The following PDE7B variants were observed in gnomAD, a reference collection of about 807,000 sequenced individuals.
PDE7B encodes phosphodiesterase 7B, also known as 3',5'-cyclic-AMP phosphodiesterase 7B.
Under a neutral mutation model 56.2 loss-of-function variants are expected in PDE7B, and 29 were observed. That is an observed-to-expected ratio of 0.52 (90% CI 0.38 to 0.70). The LOEUF (loss-of-function observed/expected upper bound fraction) is 0.70, where lower values mean the gene tolerates loss of function less well. PDE7B is among the 30% of genes least tolerant of loss of function. PDE7B has a pLI of 0.00. For synonymous variants in PDE7B, 197 were observed against 196.9 expected (o/e 1.00, Z 0.00); for missense variants, 490 against 565.0 (o/e 0.87, Z 1.35).
chr6:136,161,934 G>C (rs1412994069), intron 8 of PDE7B: 1 of 152,190 alleles, frequency 6.6e-6, no homozygotes, highest in Non-Finnish European at 1.5e-5. Flanking sequence ...GTGTGCCCAT[G>C]GGGATATGTG....
chr6:136,171,927 G>C (rs1778890221), intron 8 of PDE7B, among the ~76,000 whole-genome samples: 2 of 151,692 alleles, frequency 1.3e-5, no homozygotes, highest in South Asian at 4.2e-4. Context: ...TGAGAATGAT[G>C]ATTTCCAATT....
In PDE7B at chr6:135,865,541, T is replaced by TCTG. The variant is rs953031820; in HGVS notation, c.21+13535_21+13537dup. On this transcript the variant is annotated intron_variant, in intron 1 of 12. Transcript: ENST00000308191. Reference sequence around the variant, plus strand: ...ATCTCTTGAGTGTTTATAGCTGTTGTCTGCTGCTGCTGCTGGTTGAATCAA... The same window carrying TCTG: ...ATCTCTTGAGTGTTTATAGCTGTTGTCTGCTGCTGCTGCTGCTGGTTGAATCAA... Among the ~76,000 whole-genome samples the TCTG allele has an allele frequency of 7.9e-5, 12 of 152,112 alleles. No homozygotes were observed. In the South Asian group the frequency reaches 2.1e-3, roughly 26 times the overall value.
chr6:136,090,427 A>T (rs1182302760), intron 2 of PDE7B, among the ~76,000 whole-genome samples: 1 of 152,242 alleles, frequency 6.6e-6, no homozygotes. Flanking sequence ...ATGCTATTAA[A>T]ATAGGCTTTG....
chr6:135,956,266 T>C (rs111888504), intron 2 of PDE7B, among the ~76,000 whole-genome samples: 2,013 of 152,216 alleles, frequency 0.013, 53 homozygotes, highest in African/African-American at 0.045. Context: ...GAGAATGGTA[T>C]CTTAGCCACC....
rs1779248059 is a variant in PDE7B, at chr6:136,192,532, A to G, written c.*692A>G. ...TTTAAGAAACCACGTTTCCTATCCA[A>G]TCCGAAGGGAAGGTGCTGTACAGTT... On this transcript the variant is annotated 3_prime_UTR_variant, in exon 13 of 13. Transcript: ENST00000308191. 6.6e-6 allele frequency: 1 copy of G among 152,476 alleles called. No individual in the cohort carries two copies. The allele number at this position is 152,476 out of a possible 1,614,324, so 9.4% of individuals were successfully genotyped here.
intron 1 of PDE7B, among the ~76,000 whole-genome samples, chr6:135,863,108 T>C (rs1775182640): frequency 6.6e-6 from 1 of 151,978 alleles, no homozygotes; most frequent in Non-Finnish European, 1.5e-5. Context: ...TACATGTGCT[T>C]GAAGTAAATG....
intron 2 of PDE7B, among the ~76,000 whole-genome samples, chr6:136,081,607 T>C (rs1388977102): frequency 6.6e-6 from 1 of 152,206 alleles, no homozygotes; most frequent in Non-Finnish European, 1.5e-5. Flanking sequence ...CGCATTAGTG[T>C]TCTGTTTTCT....
intron 1 of PDE7B, among the ~76,000 whole-genome samples, chr6:135,901,142 C>T (rs944398139): frequency 6.6e-6 from 1 of 152,100 alleles, no homozygotes; most frequent in Non-Finnish European, 1.5e-5. Flanking sequence ...TGACCTTCTA[C>T]CTATAAAGAA....
intron 1 of PDE7B, among the ~76,000 whole-genome samples, chr6:135,936,938 A>T (rs1218743419): frequency 6.6e-6 from 1 of 152,222 alleles, no homozygotes; most frequent in Non-Finnish European, 1.5e-5. Context: ...GAGTATACTA[A>T]ATCTAAAGAA....
chr6:136,010,428 G>A (rs376202328), intron 2 of PDE7B, among the ~76,000 whole-genome samples: 5 of 141,010 alleles, frequency 3.5e-5, no homozygotes, highest in African/African-American at 1.4e-4. Flanking sequence ...TTTTTGAGAC[G>A]GAGTTTCACT....
intron 2 of PDE7B, chr6:136,034,433 G>T (rs945805101): frequency 2.6e-5 from 4 of 152,174 alleles, no homozygotes; most frequent in African/African-American, 9.7e-5. Context: ...GTTTTTGGAA[G>T]AAGGAGCCAA....
chr6:136,186,973 TAATACTCATTTTATAAGTTCTAGATTACC>T, intron 11 of PDE7B, 34 bp from the exon 12 acceptor site: 2 of 854,384 alleles, frequency 2.3e-6, no homozygotes, highest in Non-Finnish European at 3.9e-6. Context: ...TTAAAATTAT[TAATACTCATTTTATAAGTTCTAGATTACC>T]AATGTGTTTT....
intron 2 of PDE7B, among the ~76,000 whole-genome samples, chr6:136,050,032 A>G (rs1776597321): frequency 1.3e-5 from 2 of 152,122 alleles, no homozygotes; most frequent in African/African-American, 4.8e-5. Flanking sequence ...ACAAGGGCCA[A>G]CTCGAGGTCC....
intron 2 of PDE7B, among the ~76,000 whole-genome samples, chr6:136,015,003 T>A (rs1775952162): frequency 6.6e-6 from 1 of 152,216 alleles, no homozygotes; most frequent in Non-Finnish European, 1.5e-5. Flanking sequence ...ATGTTGAAGT[T>A]AAAATACACA....
chr6:136,097,449 C>T (rs1777486802), intron 2 of PDE7B, among the ~76,000 whole-genome samples: 1 of 152,184 alleles, frequency 6.6e-6, no homozygotes, highest in African/African-American at 2.4e-5. Flanking sequence ...ACCTCCTACA[C>T]ATCTCTAAAA....
chr6:135,983,911 G>T (rs1160313008), intron 2 of PDE7B, among the ~76,000 whole-genome samples: 2 of 152,232 alleles, frequency 1.3e-5, no homozygotes, highest in Non-Finnish European at 2.9e-5. Flanking sequence ...TTTCCCATAT[G>T]TGTGTGTTTG....
At chr6:136,086,637 A>G (rs1777296641) in intron 2 of PDE7B, among the ~76,000 whole-genome samples, 1 of 152,188 alleles carries the variant, frequency 6.6e-6, no homozygotes, top group Non-Finnish European at 1.5e-5. Flanking sequence ...AACACATCCA[A>G]AATAATTTTC....
intron 1 of PDE7B, among the ~76,000 whole-genome samples, chr6:135,890,080 G>A (rs761379121): frequency 4.7e-4 from 71 of 152,108 alleles, no homozygotes; most frequent in Middle Eastern, 3.2e-3. Flanking sequence ...CAGTCTCAGT[G>A]TGTGAATTGG....
intron 2 of PDE7B, among the ~76,000 whole-genome samples, chr6:136,088,513 C>T (rs182362932): frequency 7.2e-5 from 11 of 152,246 alleles, no homozygotes; most frequent in African/African-American, 2.6e-4. Context: ...CTTTTGAAGA[C>T]AGCATTACCA....
Sources: allele counts gnomAD v4.1 joint callset (sites outside exome capture counted in the v4.1 genomes callset), GRCh38; gene constraint gnomAD v4.1.1; transcripts MANE v1.5; gene names NCBI Gene and HGNC (gene_info 2026-07-23, HGNC 2026-07-21).